The following RPH3A variants were observed in gnomAD, a reference collection of about 807,000 sequenced individuals.
The protein encoded by RPH3A is rabphilin 3A.
RPH3A carries 48 observed loss-of-function variants against 102.2 expected under a neutral mutation model. That is an observed-to-expected ratio of 0.47 (90% CI 0.37 to 0.60). The LOEUF is 0.60. Among genes scored for constraint, RPH3A ranks in the 20% least tolerant of loss-of-function variants. The probability of loss-of-function intolerance (pLI) is 0.00; values close to 1 mark genes in which losing one functional copy is unlikely to be tolerated. For missense variants in RPH3A, 781 were observed against 910.1 expected (o/e 0.86, Z 1.83); for synonymous variants, 310 against 324.3 (o/e 0.96, Z 0.47).
intron 1 of RPH3A, among the ~76,000 whole-genome samples, chr12:112,653,010 A>C (rs2039986240): frequency 6.6e-6 from 1 of 152,210 alleles, no homozygotes; most frequent in Non-Finnish European, 1.5e-5. Flanking sequence ...ACTGTACTGA[A>C]TACTGTAGGC....
At chr12:112,696,467 G>A (rs1031038911) in intron 1 of RPH3A, among the ~76,000 whole-genome samples, 5 of 152,200 alleles carry the variant, frequency 3.3e-5, no homozygotes, top group Non-Finnish European at 7.3e-5. Context: ...TACAAGTGGA[G>A]GCTCAGGGAG....
chr12:112,664,817 C>T (rs1004087338), intron 1 of RPH3A, among the ~76,000 whole-genome samples: 3 of 152,062 alleles, frequency 2.0e-5, no homozygotes, highest in Admixed American at 1.3e-4. Flanking sequence ...CTATGGACAG[C>T]GCACCCACTG....
intron 13 of RPH3A, among the ~76,000 whole-genome samples, chr12:112,877,253 T>C (rs2042818477): frequency 6.6e-6 from 1 of 152,168 alleles, no homozygotes; most frequent in South Asian, 2.1e-4. Context: ...ATTTTAACAA[T>C]TTTTAAAACT....
In RPH3A at chr12:112,897,745, C is replaced by T. The variant is rs1347225333; in HGVS notation, c.*965C>T. On this transcript the variant is annotated 3_prime_UTR_variant, in exon 22 of 22. Transcript: ENST00000389385. ...GCCCACGCTTCTTAACTGACCCACTCCTCCCGTTGGCAGAACCAGACATTC... is the reference window on the plus strand; with the variant it reads ...GCCCACGCTTCTTAACTGACCCACTTCTCCCGTTGGCAGAACCAGACATTC... The T allele has an allele frequency of 6.6e-6, 1 of 152,422 alleles. No individual in the cohort carries two copies. Among genetic ancestry groups the T allele is most frequent in the African/African-American group, 2.4e-5 (1 of 41,464 alleles). 9.4% of individuals were successfully genotyped at this position (152,422 alleles called of 1,614,324 possible). A position where few individuals can be genotyped will look rare whatever the true frequency, so the allele number is the denominator to read the frequency against.
At chr12:112,877,211 A>G (rs1419489011) in intron 13 of RPH3A, among the ~76,000 whole-genome samples, 1 of 152,206 alleles carries the variant, frequency 6.6e-6, no homozygotes, top group Non-Finnish European at 1.5e-5. Context: ...TAGAATTATT[A>G]TATGACTCAG....
intron 1 of RPH3A, among the ~76,000 whole-genome samples, chr12:112,697,842 G>A (rs2040363252): frequency 6.6e-6 from 1 of 151,960 alleles, no homozygotes; most frequent in Non-Finnish European, 1.5e-5. Context: ...TGCAGCCTGG[G>A]TGAGAAGAGT....
chr12:112,894,593 C>G lies in RPH3A; in HGVS notation c.1791C>G (p.Asp597Glu). The stretch of plus-strand genomic sequence containing the variant: ...CGCCTCCCAGCTGGCTGAAACCGGA[C>G]ATGGGAAAGAAGGCCAAACACAAGA... The part of the protein sequence containing the change: ...DPFVKLWLKP[D>E]MGKKAKHKTQ... Residue 597 changes from aspartate (D) to glutamate (E), a missense_variant, in exon 20 of 22, where the codon GAC becomes GAG. Transcript: ENST00000389385. 6.2e-7 allele frequency: 1 copy of G among 1,613,814 alleles called. No individual in the cohort carries two copies. Among genetic ancestry groups the G allele is most frequent in the Non-Finnish European group, 8.5e-7 (1 of 1,179,920 alleles).
chr12:112,865,332 A>G (rs369877927), intron 5 of RPH3A, 82 bp from the exon 6 acceptor site: 1 of 1,504,870 alleles, frequency 6.6e-7, no homozygotes, highest in Non-Finnish European at 9.0e-7. Flanking sequence ...AAAGAAGGTG[A>G]AGACTATCAA....
At chr12:112,743,387 CA>C (rs2040723590) in intron 1 of RPH3A, among the ~76,000 whole-genome samples, 1 of 152,210 alleles carries the variant, frequency 6.6e-6, no homozygotes, top group Non-Finnish European at 1.5e-5. Flanking sequence ...ATCCCACCTG[CA>C]ATATTTGTTT....
intron 1 of RPH3A, among the ~76,000 whole-genome samples, chr12:112,755,809 A>G (rs1275969576): frequency 1.3e-5 from 2 of 152,148 alleles, no homozygotes; most frequent in Non-Finnish European, 2.9e-5. Context: ...TGAGCATGAG[A>G]ATAAACAATT....
At chr12:112,869,629 GAA>G in intron 8 of RPH3A, 128 bp from the exon 9 acceptor site, 1 of 905,532 alleles carries the variant, frequency 1.1e-6, no homozygotes, top group South Asian at 1.7e-5. Context: ...GAGGTTGGGA[GAA>G]AGACTTTTAA....
chr12:112,692,635 T>C (rs563412922), intron 1 of RPH3A, among the ~76,000 whole-genome samples: 22 of 151,962 alleles, frequency 1.4e-4, no homozygotes, highest in Non-Finnish European at 2.5e-4. Context: ...CAAAGCCACT[T>C]TCTATACCAC....
chr12:112,740,148 C>A (rs1318376618), intron 1 of RPH3A, among the ~76,000 whole-genome samples: 3 of 152,054 alleles, frequency 2.0e-5, no homozygotes, highest in Non-Finnish European at 4.4e-5. Context: ...CTTCTTTTAG[C>A]CTTGATTTCC....
At chr12:112,576,909 C>CTTTCTTT (rs1555275564) in intron 1 of RPH3A, among the ~76,000 whole-genome samples, 3 of 114,622 alleles carry the variant, frequency 2.6e-5, no homozygotes, top group Non-Finnish European at 5.1e-5. Flanking sequence ...TCTTTTCTTC[C>CTTTCTTT]TTTTTTTTTT....
intron 1 of RPH3A, among the ~76,000 whole-genome samples, chr12:112,750,706 C>T (rs1490147145): frequency 1.3e-5 from 2 of 152,102 alleles, no homozygotes; most frequent in Non-Finnish European, 2.9e-5. Context: ...CCATGTCTTT[C>T]CTATTTAGCT....
intron 1 of RPH3A, among the ~76,000 whole-genome samples, chr12:112,699,174 G>T (rs886981195): frequency 5.9e-5 from 9 of 152,166 alleles, no homozygotes; most frequent in Non-Finnish European, 8.8e-5. Context: ...TCCTGCCTTG[G>T]CCTCCCAAAG....
In RPH3A at chr12:112,694,878, G is replaced by A. The variant is rs115563615; in HGVS notation, c.-139-97265G>A. On this transcript the variant is annotated intron_variant, in intron 1 of 21. Transcript: ENST00000543106. The stretch of plus-strand genomic sequence containing the variant: ...GTGAGTGACGATTAAGTGAGGAAAA[G>A]TCTCTAAAATACCTGGCACCATTGT... Among the ~76,000 whole-genome samples, 1,428 of 152,304 alleles carry A rather than the reference G, an allele frequency of 9.4e-3. 30 individuals are homozygous for A. Among genetic ancestry groups the A allele is most frequent in the African/African-American group, 0.032 (1,347 of 41,558 alleles).
chr12:112,813,553 C>G (rs756857628), intron 2 of RPH3A, among the ~76,000 whole-genome samples: 10 of 152,178 alleles, frequency 6.6e-5, no homozygotes, highest in Non-Finnish European at 1.0e-4. Flanking sequence ...GTGAACACAG[C>G]TGGACTGTGT....
intron 1 of RPH3A, among the ~76,000 whole-genome samples, chr12:112,658,096 T>C (rs2040025149): frequency 6.6e-6 from 1 of 152,184 alleles, no homozygotes; most frequent in Admixed American, 6.5e-5. Flanking sequence ...GTCTGTGAAG[T>C]AGGGCATCTC....
Sources: gnomAD v4.1 joint callset for allele counts (sites outside exome capture counted in the v4.1 genomes callset) on GRCh38, gnomAD v4.1.1 for gene constraint, MANE v1.5 for transcripts, NCBI Gene and HGNC (gene_info 2026-07-23, HGNC 2026-07-21) for gene names.